Variants in MEGF11 observed in about 807,000 individuals in gnomAD.
MEGF11 encodes the protein multiple epidermal growth factor-like domains protein 11.
In MEGF11, 126 loss-of-function variants were observed where a neutral mutation model predicts 146.6. The observed-to-expected ratio is 0.86, with a 90% CI of 0.74 to 1.00. The LOEUF is 1.00. MEGF11 is among the 50% of genes least tolerant of loss of function. MEGF11 has a pLI of 0.00. For missense variants in MEGF11, 1,509 were observed against 1,521.2 expected, an observed-to-expected ratio of 0.99 and a Z score of 0.13; for synonymous variants, 532 against 583.4, an observed-to-expected ratio of 0.91 and a Z score of 1.27.
chr15:65,911,306 G>T (rs932528342), intron 21 of MEGF11, among the ~76,000 whole-genome samples: 3 of 152,224 alleles, frequency 2.0e-5, no homozygotes, highest in Admixed American at 6.5e-5. Context: ...TCAGATAAAA[G>T]AAACATTGTG....
intron 1 of MEGF11, among the ~76,000 whole-genome samples, chr15:66,161,653 A>G (rs949158706): frequency 6.6e-6 from 1 of 152,162 alleles, no homozygotes; most frequent in African/African-American, 2.4e-5. Context: ...TTGGCCTCCC[A>G]AAGTGCTGGG....
intron 5 of MEGF11, among the ~76,000 whole-genome samples, chr15:66,013,489 C>G (rs1472829832): frequency 3.9e-5 from 6 of 152,178 alleles, no homozygotes; most frequent in African/African-American, 1.4e-4. Flanking sequence ...AGTGACTTCT[C>G]TGTGCTGGGC....
In MEGF11 at chr15:65,970,580, T is replaced by G; in HGVS notation, c.872A>C (p.His291Pro). The G allele has an allele frequency of 2.5e-6, 4 of 1,614,026 alleles. No homozygotes were observed. Among genetic ancestry groups the G allele is most frequent in the Non-Finnish European group, 3.4e-6 (4 of 1,179,884 alleles). ...GQCDHVTGQC[H>P]CTAGYMGDRC... is the part of the protein sequence containing the mutation. ...GTCCCCCATGTATCCAGCTGTACAG[T>G]GGCACTGTCCAGTCACGTGGTCACA... Residue 291 changes from histidine to proline, a missense_variant, in exon 8 of 26, where the codon CAC becomes CCC. His to Pro is a moderately conservative substitution (Grantham distance 77, BLOSUM62 -2). Coordinates refer to ENST00000395614, the MANE Select transcript of MEGF11 (RefSeq NM_001385028.1).
intron 18 of MEGF11, among the ~76,000 whole-genome samples, 154 bp from the exon 19 acceptor site, chr15:65,915,752 G>C (rs2078976233): frequency 1.3e-5 from 2 of 152,110 alleles, no homozygotes; most frequent in South Asian, 4.1e-4. Context: ...AGCACTGAGT[G>C]GGGGACACAG....
intron 1 of MEGF11, among the ~76,000 whole-genome samples, chr15:66,234,470 AC>A (rs1221303690): frequency 6.6e-6 from 1 of 152,238 alleles, no homozygotes; most frequent in African/African-American, 2.4e-5. Flanking sequence ...TCTATACGCA[AC>A]GCTGAAGAGT....
intron 1 of MEGF11, among the ~76,000 whole-genome samples, chr15:66,189,359 A>G (rs1330017535): frequency 6.6e-6 from 1 of 152,098 alleles, no homozygotes; most frequent in African/African-American, 2.4e-5. Flanking sequence ...AAACATAACG[A>G]ATGTGGGTAT....
chr15:66,213,071 A>C (rs533602727), intron 1 of MEGF11, among the ~76,000 whole-genome samples: 2 of 152,300 alleles, frequency 1.3e-5, no homozygotes, highest in East Asian at 3.9e-4. Context: ...AGGCCGCAGG[A>C]GATGAGGCCT....
At chr15:66,239,913 A>T (rs1244837177) in intron 1 of MEGF11, among the ~76,000 whole-genome samples, 1 of 152,256 alleles carries the variant, frequency 6.6e-6, no homozygotes, top group African/African-American at 2.4e-5. Flanking sequence ...GATAAACTCT[A>T]TCACTTGTAC....
Position 65,975,660 on chromosome 15 carries a change from A to G in MEGF11, c.763-4971T>C, listed in dbSNP as rs200714216. The stretch of plus-strand genomic sequence containing the variant: ...CCAGATAGGTGAGCTAGGATAAGTC[A>G]GGTGATCATTCTGAGCCTTAATTTT... On this transcript the variant is annotated intron_variant, in intron 7 of 25. Transcript: ENST00000395614. Among the ~76,000 whole-genome samples the G allele has an allele frequency of 3.9e-5, 6 of 152,192 alleles. No homozygotes were observed. The East Asian group carries it at 1.2e-3, about 29-fold the overall frequency.
intron 5 of MEGF11, among the ~76,000 whole-genome samples, chr15:66,052,103 C>T (rs1481255270): frequency 6.6e-6 from 1 of 152,194 alleles, no homozygotes; most frequent in Non-Finnish European, 1.5e-5. Flanking sequence ...TAGGGGTGAG[C>T]ATCCATCATC....
At position 66,236,575 on chromosome 15, in the gene MEGF11, G is replaced by T. The variant is rs569857097; in HGVS notation, c.-9+17030C>A. 2.6e-5 allele frequency among the ~76,000 whole-genome samples: 4 copies of T among 152,288 alleles called. No homozygotes were observed. In the East Asian group the frequency reaches 5.8e-4, roughly 22 times the overall value. ...CCACCAATGCCATGGATAAAGTCTG[G>T]ATGGGACAAGGAAGAATGAGAGGGC... On this transcript the variant is annotated intron_variant, in intron 1 of 25. Coordinates refer to ENST00000395614, the MANE Select transcript of MEGF11 (RefSeq NM_001385028.1).
At chr15:65,975,368 C>G (rs542926262) in intron 7 of MEGF11, among the ~76,000 whole-genome samples, 3 of 152,156 alleles carry the variant, frequency 2.0e-5, no homozygotes, top group Non-Finnish European at 4.4e-5. Context: ...AAGTCTGGTA[C>G]GTAGAATGCA....
intron 5 of MEGF11, among the ~76,000 whole-genome samples, chr15:66,050,453 A>G (rs1474476139): frequency 6.6e-6 from 1 of 152,210 alleles, no homozygotes; most frequent in Non-Finnish European, 1.5e-5. Context: ...GGAAACAGCC[A>G]GTGCAAAGGC....
At chr15:66,203,757 G>C (rs1214379113) in intron 1 of MEGF11, among the ~76,000 whole-genome samples, 1 of 152,178 alleles carries the variant, frequency 6.6e-6, no homozygotes, top group Admixed American at 6.5e-5. Flanking sequence ...ATAATGAATA[G>C]CTATAAGAGA....
intron 5 of MEGF11, among the ~76,000 whole-genome samples, chr15:66,052,504 C>T (rs989942110): frequency 6.6e-6 from 1 of 152,200 alleles, no homozygotes; most frequent in African/African-American, 2.4e-5. Context: ...TCCTGGGCTG[C>T]GCTGTGACTC....
chr15:65,957,606 G>A lies in MEGF11; in HGVS notation c.1228C>T (p.Gln410Ter). 1 of 1,613,976 alleles carries A rather than the reference G, an allele frequency of 6.2e-7. No homozygotes were observed. ...ATGCTGTGGCAGTCGGCGCCATTCT[G>A]ACAGGTGCAAGGCAGCTGGCAGCCA... ...GDGCQLPCTC[Q>*]NGADCHSITG... Residue 410 changes from glutamine (Q) to a stop codon, truncating the protein, a stop_gained, in exon 10 of 26, where the codon CAG becomes TAG. Coordinates refer to ENST00000395614, the MANE Select transcript of MEGF11 (RefSeq NM_001385028.1). LOFTEE classifies it high-confidence loss of function.
intron 3 of MEGF11, among the ~76,000 whole-genome samples, chr15:66,120,352 T>G (rs748265776): frequency 1.3e-5 from 2 of 152,206 alleles, no homozygotes; most frequent in Non-Finnish European, 2.9e-5. Context: ...CCCAAGGTCA[T>G]GGAGTGGAAC....
At chr15:66,041,025 G>A (rs182676560) in intron 5 of MEGF11, among the ~76,000 whole-genome samples, 1 of 151,506 alleles carries the variant, frequency 6.6e-6, no homozygotes, top group East Asian at 1.9e-4. Context: ...GTACATGTTT[G>A]GTGCATAAAT....
chr15:66,180,349 C>T (rs138251240), intron 1 of MEGF11, among the ~76,000 whole-genome samples: 2 of 152,276 alleles, frequency 1.3e-5, no homozygotes, highest in East Asian at 1.9e-4. Context: ...GAGAAGGTGA[C>T]CGGATGAACC....
Sources: gnomAD v4.1 joint callset for allele counts (sites outside exome capture counted in the v4.1 genomes callset) on GRCh38, gnomAD v4.1.1 for gene constraint, MANE v1.5 for transcripts, NCBI Gene and HGNC (gene_info 2026-07-23, HGNC 2026-07-21) for gene names.